The following CHLSN variants were observed in gnomAD, a reference collection of about 807,000 sequenced individuals.
The protein encoded by CHLSN is protein cholesin.
chr7:984,312 C>T, the CHLSN span: 7 of 1,447,608 alleles, frequency 4.8e-6, no homozygotes, highest in South Asian at 9.8e-5. Flanking sequence ...CCCATTTTCC[C>T]TCTGTCCCCA....
the CHLSN span, among the ~76,000 whole-genome samples, chr7:1,002,640 G>GGGAGTCCTGCGGGTGAGT: frequency 2.8e-5 from 3 of 108,982 alleles, no homozygotes; most frequent in African/African-American, 7.4e-5. Flanking sequence ...CCTGTGGGTG[G>GGGAGTCCTGCGGGTGAGT]GGAGTCCTGC....
chr7:1,025,640 G>C, the CHLSN span: 2 of 152,234 alleles, frequency 1.3e-5, no homozygotes, highest in Non-Finnish European at 2.9e-5. Context: ...GTGTGATACG[G>C]ACCGACCTCG....
At chr7:1,068,652 C>G in the CHLSN span, among the ~76,000 whole-genome samples, 6 of 152,136 alleles carry the variant, frequency 3.9e-5, no homozygotes, top group South Asian at 2.1e-4. Context: ...AGTCTTCCCC[C>G]CAACGCTTAG....
At chr7:1,123,394 C>T in the CHLSN span, among the ~76,000 whole-genome samples, 1 of 152,156 alleles carries the variant, frequency 6.6e-6, no homozygotes. This position sits in a 1 kb window ranked among gnomAD's most constrained non-coding sequence, Gnocchi z 4.4. Context: ...GCTGGGAGGA[C>T]AACACAATGG....
chr7:1,122,922 G>C, the CHLSN span, among the ~76,000 whole-genome samples: 1 of 152,184 alleles, frequency 6.6e-6, no homozygotes, highest in African/African-American at 2.4e-5. Flanking sequence ...CCTAAGACCA[G>C]TGGGCAATCA....
At chr7:983,276 C>A in the CHLSN span, 1 of 1,544,536 alleles carries the variant, frequency 6.5e-7, no homozygotes. Context: ...TGCGCCTGCG[C>A]CCAAGACCCC....
the CHLSN span, among the ~76,000 whole-genome samples, chr7:1,015,264 G>A: frequency 6.6e-6 from 1 of 152,164 alleles, no homozygotes; most frequent in East Asian, 1.9e-4. Flanking sequence ...CTGTCCCTGA[G>A]GCATGAGAGC....
chr7:1,102,901 G>A, the CHLSN span, among the ~76,000 whole-genome samples: 1 of 152,238 alleles, frequency 6.6e-6, no homozygotes, highest in Non-Finnish European at 1.5e-5. Flanking sequence ...AGAGTCTGGA[G>A]GAAAAATGCC....
At chr7:1,025,305 C>T in the CHLSN span, 1 of 152,312 alleles carries the variant, frequency 6.6e-6, no homozygotes, top group African/African-American at 2.4e-5. Flanking sequence ...AGAACCACTC[C>T]CTGTTCCAAG....
chr7:1,112,584 G>A, the CHLSN span, among the ~76,000 whole-genome samples: 6 of 152,104 alleles, frequency 3.9e-5, no homozygotes, highest in African/African-American at 1.4e-4. Context: ...AGCAACGATT[G>A]GGCCAATAGC....
At chr7:997,777 G>A in the CHLSN span, 1 of 1,608,196 alleles carries the variant, frequency 6.2e-7, no homozygotes, top group East Asian at 2.3e-5. Flanking sequence ...AGGTAGGCCA[G>A]CAGGGTGGAG....
chr7:987,586 G>T, the CHLSN span: 12 of 1,430,678 alleles, frequency 8.4e-6, no homozygotes, highest in Non-Finnish European at 9.2e-6. Flanking sequence ...GCCTCGGCGG[G>T]GGTCCAGGGG....
the CHLSN span, among the ~76,000 whole-genome samples, chr7:1,006,308 C>T: frequency 1.3e-5 from 2 of 152,086 alleles, no homozygotes; most frequent in Admixed American, 6.6e-5. Context: ...AAAGAGCACA[C>T]GACGGCCACA....
the CHLSN span, among the ~76,000 whole-genome samples, chr7:1,008,903 T>TACACACGC: frequency 0.68 from 102,662 of 150,402 alleles, 35,664 homozygotes; most frequent in African/African-American, 0.81. Context: ...TGCACACACG[T>TACACACGC]ACACAACACA....
At chr7:1,007,522 C>G in the CHLSN span, among the ~76,000 whole-genome samples, 1 of 152,168 alleles carries the variant, frequency 6.6e-6, no homozygotes, top group Non-Finnish European at 1.5e-5. Context: ...CACGTGGGCT[C>G]TGATCTGGCA....
At chr7:1,054,953 G>T in the CHLSN span, among the ~76,000 whole-genome samples, 1 of 152,132 alleles carries the variant, frequency 6.6e-6, no homozygotes, top group Non-Finnish European at 1.5e-5. Context: ...ATTTCCTCAC[G>T]GAAAAAAGGG....
chr7:1,030,933 C>G, the CHLSN span, among the ~76,000 whole-genome samples: 2,107 of 152,330 alleles, frequency 0.014, 62 homozygotes, highest in East Asian at 0.15. Context: ...TCCACAAACG[C>G]ACCAGTCCAT....
chr7:997,829 G>T, the CHLSN span: 1 of 1,593,554 alleles, frequency 6.3e-7, no homozygotes, highest in Non-Finnish European at 8.5e-7. Flanking sequence ...GATCGAGTTG[G>T]TCAGGGGCGG....
At chr7:1,072,676 C>CTTTTTTTTTTTTTTTT in the CHLSN span, among the ~76,000 whole-genome samples, 1 of 110,316 alleles carries the variant, frequency 9.1e-6, no homozygotes, top group Non-Finnish European at 1.8e-5. Context: ...CTTTTCTTTC[C>CTTTTTTTTTTTTTTTT]TTTTTTTTTT....
Sources: gnomAD v4.1 joint callset for allele counts (sites outside exome capture counted in the v4.1 genomes callset) on GRCh38, gnomAD v4.1.1 for gene constraint, Gnocchi (gnomAD v3.1) non-coding constraint, MANE v1.5 for transcripts, NCBI Gene and HGNC (gene_info 2026-07-23, HGNC 2026-07-21) for gene names.